The following NPSR1 variants were observed in gnomAD, a reference collection of about 807,000 sequenced individuals.
The protein encoded by NPSR1 is neuropeptide S receptor 1.
NPSR1 carries 48 observed loss-of-function variants against 46.9 expected under a neutral mutation model. The observed-to-expected ratio is 1.02, with a 90% CI of 0.81 to 1.30. The LOEUF (loss-of-function observed/expected upper bound fraction) is 1.30. Among genes scored for constraint, NPSR1 ranks in the 50% most tolerant of loss-of-function variants. The pLI, the probability that NPSR1 is intolerant of heterozygous loss-of-function variation, is 0.00. For missense variants in NPSR1, 450 were observed against 449.5 expected, an observed-to-expected ratio of 1.00 and a Z score of -0.01; for synonymous variants, 176 against 168.1, an observed-to-expected ratio of 1.05 and a Z score of -0.36.
At position 34,720,879 on chromosome 7, in the gene NPSR1, G is replaced by A. The variant is rs186885750; in HGVS notation, c.280+36195G>A. ...GAAAAGAAATCTGGATACTATTTTTGAGAAAAAAATAGAGAAACCATAAAT... is the reference window on the plus strand; with the variant it reads ...GAAAAGAAATCTGGATACTATTTTTAAGAAAAAAATAGAGAAACCATAAAT... On this transcript the variant is annotated intron_variant, in intron 2 of 8. Transcript: ENST00000360581. Among the ~76,000 whole-genome samples the A allele has an allele frequency of 4.0e-4, 60 of 151,642 alleles. 1 individual carries two copies. The highest frequency in any genetic ancestry group is 1.3e-3 in the African/African-American group (52 of 41,384).
At chr7:34,688,169 C>G (rs777676358) in intron 2 of NPSR1, among the ~76,000 whole-genome samples, 3 of 152,168 alleles carry the variant, frequency 2.0e-5, no homozygotes, top group Non-Finnish European at 2.9e-5. Flanking sequence ...GATGATCTAC[C>G]TCTGCATGCA....
intron 8 of NPSR1, among the ~76,000 whole-genome samples, chr7:34,875,651 T>C (rs539884619): frequency 2.5e-4 from 38 of 152,246 alleles, no homozygotes; most frequent in Middle Eastern, 3.4e-3. Flanking sequence ...GAGTCATGCT[T>C]TTGGCAGCAC....
chr7:34,671,377 AT>A (rs1370423409), intron 1 of NPSR1, among the ~76,000 whole-genome samples: 1 of 152,196 alleles, frequency 6.6e-6, no homozygotes, highest in African/African-American at 2.4e-5. Context: ...AAACGACAAA[AT>A]AACCATGTAA....
intron 3 of NPSR1, among the ~76,000 whole-genome samples, chr7:34,788,591 G>A (rs976857731): frequency 7.2e-5 from 11 of 151,916 alleles, no homozygotes; most frequent in African/African-American, 2.4e-4. Context: ...AATAATAAAC[G>A]GATTATTTCA....
intron 3 of NPSR1, chr7:34,779,506 A>C: frequency 1.1e-6 from 1 of 885,124 alleles, no homozygotes; most frequent in East Asian, 3.3e-5. Context: ...TTCATAAGTA[A>C]AATTTTAATT....
chr7:34,847,401 TGA>T (rs34726687), intron 7 of NPSR1, among the ~76,000 whole-genome samples: 47,579 of 146,390 alleles, frequency 0.33, 7,665 homozygotes, highest in Middle Eastern at 0.42. Context: ...CAGAGGAAAA[TGA>T]GAGAGAGAGA....
At chr7:34,716,041 G>A (rs10269806) in intron 2 of NPSR1, among the ~76,000 whole-genome samples, 21,824 of 151,534 alleles carry the variant, frequency 0.14, 2,070 homozygotes, top group East Asian at 0.34. Flanking sequence ...GAAAGAGGGT[G>A]GCCTCCAGAG....
At chr7:34,782,381 G>T (rs930863830) in intron 3 of NPSR1, among the ~76,000 whole-genome samples, 1 of 152,094 alleles carries the variant, frequency 6.6e-6, no homozygotes, top group Admixed American at 6.6e-5. Flanking sequence ...CTGGTGGGGG[G>T]AAAGATCAGA....
downstream of NPSR1, among the ~76,000 whole-genome samples, chr7:34,854,912 C>T (rs1212193833): frequency 6.6e-6 from 1 of 151,742 alleles, no homozygotes; most frequent in African/African-American, 2.4e-5. Context: ...TTCAACACTT[C>T]CACGAGATTG....
intron 8 of NPSR1, among the ~76,000 whole-genome samples, chr7:34,857,511 G>A (rs1215673953): frequency 1.3e-5 from 2 of 151,620 alleles, no homozygotes; most frequent in African/African-American, 4.9e-5. Flanking sequence ...GTAAGGAAAG[G>A]GTGTTCTTTT....
At chr7:34,790,644 T>C (rs75901712) in intron 3 of NPSR1, among the ~76,000 whole-genome samples, 20,740 of 136,628 alleles carry the variant, frequency 0.15, 2,022 homozygotes, top group East Asian at 0.32. Context: ...AATTTATATA[T>C]AATATGTATT....
intron 2 of NPSR1, among the ~76,000 whole-genome samples, chr7:34,749,701 C>T (rs1785409297): frequency 6.6e-6 from 1 of 152,212 alleles, no homozygotes; most frequent in Non-Finnish European, 1.5e-5. Flanking sequence ...CCAATCACAG[C>T]TTGGCCCTGA....
intron 1 of NPSR1, among the ~76,000 whole-genome samples, chr7:34,665,777 T>A (rs1002289700): frequency 1.3e-5 from 2 of 152,064 alleles, no homozygotes; most frequent in Non-Finnish European, 2.9e-5. Context: ...TCTCTTGACA[T>A]GCATGTTCAC....
intron 3 of NPSR1, among the ~76,000 whole-genome samples, chr7:34,801,813 G>GAAAAT (rs770061224): frequency 1.4e-5 from 2 of 146,708 alleles, no homozygotes; most frequent in African/African-American, 2.6e-5. Context: ...TGTATATCTA[G>GAAAAT]CCCCATCATC....
intron 5 of NPSR1, 41 bp downstream of exon 5, chr7:34,827,643 C>CCGGGGGGGGGGGGGGG: frequency 2.5e-6 from 1 of 405,056 alleles, no homozygotes; most frequent in Non-Finnish European, 4.9e-6. Flanking sequence ...GGGGGTGGGG[C>CCGGGGGGGGGGGGGGG]GGGGGGGGCT....
chr7:34,729,331 A>G (rs1445882698), intron 2 of NPSR1, among the ~76,000 whole-genome samples: 1 of 152,150 alleles, frequency 6.6e-6, no homozygotes, highest in Non-Finnish European at 1.5e-5. Flanking sequence ...AATCCCAGAG[A>G]GGGGTTGAAT....
rs980697705 is a variant in NPSR1, at chr7:34,809,525, G to A, written c.385-2245G>A. Among the ~76,000 whole-genome samples the A allele has an allele frequency of 9.4e-4, 138 of 146,968 alleles. 1 individual carries two copies. The highest frequency in any genetic ancestry group is 3.3e-3 in the African/African-American group (131 of 39,526). ...GTCGCCCAGGCTGGAGTGCAGTGGC[G>A]CAATCTCGGCTCACTGCAAGCTCTG... On this transcript the variant is annotated intron_variant, in intron 3 of 8. Coordinates refer to ENST00000360581, the MANE Select transcript of NPSR1 (RefSeq NM_207172.2).
intron 2 of NPSR1, among the ~76,000 whole-genome samples, chr7:34,705,687 AATATT>A (rs1292984426): frequency 2.6e-5 from 4 of 151,794 alleles, no homozygotes; most frequent in African/African-American, 4.8e-5. Flanking sequence ...ATGTGATATT[AATATT>A]ATGTTTATCT....
intron 2 of NPSR1, among the ~76,000 whole-genome samples, chr7:34,724,420 C>G (rs551715822): frequency 2.0e-5 from 3 of 152,168 alleles, no homozygotes; most frequent in South Asian, 2.1e-4. Context: ...CTCCCAGGAT[C>G]GGAAAGGTTT....
Sources: allele counts gnomAD v4.1 joint callset (sites outside exome capture counted in the v4.1 genomes callset), GRCh38; gene constraint gnomAD v4.1.1; transcripts MANE v1.5; gene names NCBI Gene and HGNC (gene_info 2026-07-23, HGNC 2026-07-21).